PTPRD: variants seen among roughly 807,000 people sequenced by gnomAD.
PTPRD encodes the protein protein tyrosine phosphatase receptor type D, also known as receptor-type tyrosine-protein phosphatase delta.
In PTPRD, 34 loss-of-function variants were observed where a neutral mutation model predicts 214.5. That is an observed-to-expected ratio of 0.16 (90% CI 0.12 to 0.21). The LOEUF (loss-of-function observed/expected upper bound fraction) is 0.21, where lower values mean the gene tolerates loss of function less well. Among genes scored for constraint, PTPRD ranks in the 10% least tolerant of loss-of-function variants. The pLI, the probability that PTPRD is intolerant of heterozygous loss-of-function variation, is 1.00. For synonymous variants in PTPRD, 1,128 were observed against 845.7 expected (o/e 1.33, Z -5.79); for missense variants, 2,545 against 2,398.7 (o/e 1.06, Z -1.27).
chr9:8,709,805 A>G lies in PTPRD; in HGVS notation c.64+23975T>C, dbSNP rs143799020. 3.7e-3 allele frequency among the ~76,000 whole-genome samples: 571 copies of G among 152,316 alleles called. 1 individual carries two copies. Among genetic ancestry groups the G allele is most frequent in the African/African-American group, 0.013 (556 of 41,570 alleles). ...GGAATCAAAGAGGAAAAAAGTGACT[A>G]GAGTTATAAAATATGTTTGGTGTGC... On this transcript the variant is annotated intron_variant, in intron 12 of 45. Transcript: ENST00000381196.
At chr9:10,079,408 C>CA (rs938542462) in intron 3 of PTPRD, among the ~76,000 whole-genome samples, 17 of 152,022 alleles carry the variant, frequency 1.1e-4, no homozygotes, top group East Asian at 3.9e-4. Flanking sequence ...ATCCCGAGGC[C>CA]ACCCCTGGGT....
intron 5 of PTPRD, among the ~76,000 whole-genome samples, chr9:9,918,537 T>A (rs2081611069): frequency 6.6e-6 from 1 of 151,868 alleles, no homozygotes; most frequent in East Asian, 1.9e-4. Flanking sequence ...ATTCTTCAAA[T>A]AAATAGAAAA....
At chr9:8,354,710 C>G (rs763200106) in intron 39 of PTPRD, among the ~76,000 whole-genome samples, 3 of 152,174 alleles carry the variant, frequency 2.0e-5, no homozygotes, top group African/African-American at 4.8e-5. Flanking sequence ...CACTAGGGAG[C>G]TAAGACTTGG....
chr9:10,218,042 T>G (rs1440597309), intron 3 of PTPRD, among the ~76,000 whole-genome samples: 1 of 151,882 alleles, frequency 6.6e-6, no homozygotes, highest in East Asian at 1.9e-4. Flanking sequence ...ATAACATAAA[T>G]TTAGTGATTG....
intron 7 of PTPRD, among the ~76,000 whole-genome samples, chr9:9,718,726 TG>T (rs1362965779): frequency 6.6e-6 from 1 of 152,200 alleles, no homozygotes; most frequent in Non-Finnish European, 1.5e-5. Flanking sequence ...TGCCTGTACT[TG>T]GGGGCAGCAC....
chr9:9,829,231 T>TAA (rs1391290133), intron 5 of PTPRD, among the ~76,000 whole-genome samples: 1 of 151,882 alleles, frequency 6.6e-6, no homozygotes, highest in Non-Finnish European at 1.5e-5. Flanking sequence ...ATGTATAACA[T>TAA]AAGAATACCT....
chr9:9,130,822 A>G (rs892706532), intron 10 of PTPRD, among the ~76,000 whole-genome samples: 1 of 152,254 alleles, frequency 6.6e-6, no homozygotes, highest in East Asian at 1.9e-4. Context: ...CCTCAGGGGT[A>G]CCAGTTTTTT....
chr9:9,483,134 A>G (rs571841561), intron 8 of PTPRD, among the ~76,000 whole-genome samples: 39 of 152,326 alleles, frequency 2.6e-4, no homozygotes, highest in African/African-American at 8.2e-4. Context: ...GCATTGTGGT[A>G]CAATAAATGC....
At chr9:8,398,007 A>G (rs1002632853) in intron 36 of PTPRD, among the ~76,000 whole-genome samples, 2 of 152,110 alleles carry the variant, frequency 1.3e-5, no homozygotes, top group African/African-American at 4.8e-5. Context: ...CCATTTATCA[A>G]GCACCAGTGT....
chr9:8,524,957 C>A lies in PTPRD; in HGVS notation c.647G>T (p.Arg216Leu), dbSNP rs776042694. The part of the protein sequence containing the change: ...ECVATNSAGT[R>L]YSAPANLYVR... ...ATATAAATTGGCAGGAGCGGAATAG[C>A]GAGTGCCCGCGCTGTTGGTGGCAAC... The change falls in exon 18 of 46, where the codon CGC becomes CTC. Residue 216 changes from arginine to leucine, a missense_variant. Physicochemically the swap from Arg to Leu is moderately radical, Grantham distance 102. Transcript: ENST00000381196. 1.9e-6 allele frequency: 3 copies of A among 1,613,596 alleles called. No individual in the cohort carries two copies. Among genetic ancestry groups the A allele is most frequent in the Non-Finnish European group, 2.5e-6 (3 of 1,179,684 alleles).
At chr9:9,902,485 G>T (rs1335319006) in intron 5 of PTPRD, among the ~76,000 whole-genome samples, 1 of 152,062 alleles carries the variant, frequency 6.6e-6, no homozygotes, top group African/African-American at 2.4e-5. Flanking sequence ...CTGAAGTCAT[G>T]TATGTTGATT....
chr9:9,177,451 C>G (rs1020680301), intron 10 of PTPRD, among the ~76,000 whole-genome samples: 1 of 152,010 alleles, frequency 6.6e-6, no homozygotes, highest in Non-Finnish European at 1.5e-5. Context: ...TAAGTACTGA[C>G]TAAAACTAGT....
chr9:9,292,221 C>A (rs1951403700), intron 9 of PTPRD, among the ~76,000 whole-genome samples: 1 of 151,122 alleles, frequency 6.6e-6, no homozygotes, highest in South Asian at 2.1e-4. Context: ...AATATCATCT[C>A]ATTCACTTGA....
chr9:9,798,243 T>C (rs10977990), intron 5 of PTPRD, among the ~76,000 whole-genome samples: 13,224 of 152,132 alleles, frequency 0.087, 1,760 homozygotes, highest in East Asian at 0.63. Flanking sequence ...CTGAGACATA[T>C]GTAATAAAAG....
intron 14 of PTPRD, among the ~76,000 whole-genome samples, chr9:8,530,512 T>C (rs2075410920): frequency 6.6e-6 from 1 of 152,110 alleles, no homozygotes; most frequent in African/African-American, 2.4e-5. Context: ...TCAAATCCAC[T>C]GTCTTGTACT....
intron 3 of PTPRD, among the ~76,000 whole-genome samples, chr9:10,208,055 C>T (rs976081658): frequency 2.6e-5 from 4 of 152,230 alleles, no homozygotes; most frequent in Admixed American, 2.6e-4. Context: ...GATCATAAAC[C>T]TAAATATAGC....
At chr9:8,770,343 T>TA (rs375131231) in intron 11 of PTPRD, among the ~76,000 whole-genome samples, 19,940 of 142,036 alleles carry the variant, frequency 0.14, 1,467 homozygotes, top group Non-Finnish European at 0.17. Flanking sequence ...GATAGTGTAA[T>TA]AAAAAAAAAA....
intron 9 of PTPRD, among the ~76,000 whole-genome samples, chr9:9,251,945 A>C (rs2099975638): frequency 6.6e-6 from 1 of 152,044 alleles, no homozygotes; most frequent in African/African-American, 2.4e-5. Flanking sequence ...GAGTGCCTTC[A>C]CCAAAAACTA....
chr9:10,460,870 A>C (rs1373631695), intron 2 of PTPRD, among the ~76,000 whole-genome samples: 1 of 152,200 alleles, frequency 6.6e-6, no homozygotes, highest in Non-Finnish European at 1.5e-5. Flanking sequence ...CTTAGGCTAC[A>C]AAAGCAAACA....
Sources: allele counts gnomAD v4.1 joint callset (sites outside exome capture counted in the v4.1 genomes callset), GRCh38; gene constraint gnomAD v4.1.1; transcripts MANE v1.5; gene names NCBI Gene and HGNC (gene_info 2026-07-23, HGNC 2026-07-21).